CD1B: variants seen among roughly 807,000 people sequenced by gnomAD.
CD1B encodes T-cell surface glycoprotein CD1b.
In CD1B, 43 loss-of-function variants were observed where a neutral mutation model predicts 39.8. The observed-to-expected ratio is 1.08, with a 90% CI of 0.85 to 1.39. The LOEUF is 1.39. Ranked by LOEUF, CD1B falls within the 40% of genes most tolerant of loss-of-function variation. The probability of loss-of-function intolerance (pLI) is 0.00; values close to 1 mark genes in which losing one functional copy is unlikely to be tolerated. For synonymous variants in CD1B, 192 were observed against 152.5 expected (o/e 1.26, Z -1.91); for missense variants, 495 against 403.8 (o/e 1.23, Z -1.94).
chr1:158,326,215 G>A (rs539088344), downstream of CD1B, among the ~76,000 whole-genome samples: 40 of 152,016 alleles, frequency 2.6e-4, no homozygotes, highest in African/African-American at 6.8e-4. Flanking sequence ...CTCGTGATCC[G>A]CCCGCCTCGG....
the CD1B span, chr1:158,291,540 C>G: frequency 1.2e-6 from 1 of 859,352 alleles, no homozygotes; most frequent in East Asian, 2.6e-5. Context: ...AAGGGATATT[C>G]CTGATGTTGA....
chr1:158,292,302 A>G, the CD1B span: 19 of 1,614,230 alleles, frequency 1.2e-5, no homozygotes, highest in Non-Finnish European at 1.6e-5. Context: ...TCTCATAAGA[A>G]GCACTTGCCC....
In CD1B at chr1:158,329,958, T is replaced by C; in HGVS notation, c.501A>G (p.Ile167Met). ...CAGTTTCCATGATACCTTGATATTG[T>C]ATGATTAGTGCACAGAATTTCTGTG... is the stretch of plus-strand genomic sequence containing the variant. ...SRAQKFCALI[I>M]QYQGIMETVR... The change falls in exon 3 of 6, where the codon ATA (isoleucine) becomes ATG (methionine). Residue 167 changes from isoleucine to methionine, a missense_variant. Ile to Met is a conservative substitution (Grantham distance 10, BLOSUM62 1). Transcript: ENST00000368168. The C allele has an allele frequency of 1.2e-6, 2 of 1,614,112 alleles. No homozygotes were observed. Among genetic ancestry groups the C allele is most frequent in the Non-Finnish European group, 1.7e-6 (2 of 1,180,008 alleles).
the CD1B span, among the ~76,000 whole-genome samples, chr1:158,287,041 G>T: frequency 6.6e-6 from 1 of 152,124 alleles, no homozygotes. Context: ...CTCAGGTGGG[G>T]AACTTAGGGT....
At chr1:158,308,319 G>A in the CD1B span, among the ~76,000 whole-genome samples, 5 of 152,190 alleles carry the variant, frequency 3.3e-5, no homozygotes, top group East Asian at 1.9e-4. Flanking sequence ...CCACTGCTCA[G>A]TGAAATAAAA....
chr1:158,316,514 T>A, the CD1B span, among the ~76,000 whole-genome samples: 1 of 151,992 alleles, frequency 6.6e-6, no homozygotes, highest in Non-Finnish European at 1.5e-5. Context: ...TTTTGTATCC[T>A]GAGATTTTGC....
rs560836831 is a variant in CD1B, at chr1:158,330,368, T to G, written c.329-238A>C. 4.0e-5 allele frequency among the ~76,000 whole-genome samples: 6 copies of G among 151,574 alleles called. No individual in the cohort carries two copies. In the East Asian group the frequency reaches 1.2e-3, roughly 30 times the overall value. The stretch of plus-strand genomic sequence containing the variant: ...AGTACAGTGAGTATGAAAGGAGAGG[T>G]GAGGCAGAGCGTGGTGCAGTCAGGA... On this transcript the variant is annotated intron_variant, in intron 2 of 5. Coordinates refer to ENST00000368168, the MANE Select transcript of CD1B (RefSeq NM_001764.3).
chr1:158,304,688 C>CA, the CD1B span, among the ~76,000 whole-genome samples: 1 of 152,210 alleles, frequency 6.6e-6, no homozygotes, highest in Admixed American at 6.5e-5. Context: ...AGGCACCTCC[C>CA]AGTAGGGGCA....
At chr1:158,308,869 G>A in the CD1B span, among the ~76,000 whole-genome samples, 37 of 152,142 alleles carry the variant, frequency 2.4e-4, no homozygotes, top group East Asian at 5.0e-3. Flanking sequence ...ACCTGAAACC[G>A]TAAAAACCCT....
the CD1B span, among the ~76,000 whole-genome samples, chr1:158,303,958 G>A: frequency 6.6e-6 from 1 of 152,014 alleles, no homozygotes; most frequent in Non-Finnish European, 1.5e-5. Context: ...GAGTCTGGGG[G>A]GTGCAACCAA....
the CD1B span, among the ~76,000 whole-genome samples, chr1:158,319,953 TG>T: frequency 6.6e-6 from 1 of 151,932 alleles, no homozygotes; most frequent in South Asian, 2.1e-4. Flanking sequence ...TGCTGGGGGG[TG>T]CCTCCCAGTT....
the CD1B span, among the ~76,000 whole-genome samples, chr1:158,307,769 T>G: frequency 7.3e-5 from 11 of 151,576 alleles, no homozygotes; most frequent in South Asian, 2.1e-3. Flanking sequence ...AAAAGTCCTT[T>G]GACAAAATTC....
chr1:158,293,417 A>C, the CD1B span: 2 of 1,611,666 alleles, frequency 1.2e-6, no homozygotes, highest in Non-Finnish European at 1.7e-6. Context: ...ACCACCTCCA[A>C]CTTATTCAGG....
At chr1:158,312,859 C>T in the CD1B span, among the ~76,000 whole-genome samples, 2 of 152,204 alleles carry the variant, frequency 1.3e-5, no homozygotes, top group African/African-American at 4.8e-5. Flanking sequence ...TGCCTAATTA[C>T]CCTGGCTAGG....
At chr1:158,301,740 C>T in the CD1B span, among the ~76,000 whole-genome samples, 3 of 151,984 alleles carry the variant, frequency 2.0e-5, no homozygotes, top group South Asian at 2.1e-4. Flanking sequence ...TTTCAACCTT[C>T]GTGAGTCTGA....
At position 158,330,834 on chromosome 1, in the gene CD1B, C is replaced by A. The variant is rs752275251; in HGVS notation, c.290G>T (p.Arg97Leu). The change falls in exon 2 of 6, where the codon CGA becomes CTA. Residue 97 changes from arginine (R) to leucine (L), a missense_variant. Coordinates refer to ENST00000368168, the MANE Select transcript of CD1B (RefSeq NM_001764.3). ...IFRVYIFGFAREVQDFAGDFQ... is the reference protein window; with the variant it reads ...IFRVYIFGFALEVQDFAGDFQ... ...ATCACCGGCAAAGTCTTGTACTTCT[C>A]GAGCGAATCCAAAGATGTAGACTCG... The A allele has an allele frequency of 1.2e-6, 2 of 1,614,160 alleles. No individual in the cohort carries two copies. The highest frequency in any genetic ancestry group is 1.7e-5 in the Admixed American group (1 of 60,018).
the CD1B span, among the ~76,000 whole-genome samples, chr1:158,306,353 A>G: frequency 6.6e-6 from 1 of 152,250 alleles, no homozygotes; most frequent in Non-Finnish European, 1.5e-5. Flanking sequence ...ATAATGGTAA[A>G]GGGATCAATT....
chr1:158,291,545 T>C, the CD1B span: 1 of 829,136 alleles, frequency 1.2e-6, no homozygotes, highest in East Asian at 2.6e-5. Context: ...ATATTCCTGA[T>C]GTTGACTCCC....
the CD1B span, among the ~76,000 whole-genome samples, chr1:158,288,536 C>T: frequency 1.3e-5 from 2 of 152,184 alleles, no homozygotes; most frequent in African/African-American, 4.8e-5. Flanking sequence ...GGACTACAGG[C>T]ATGTGCCACC....
Sources: allele counts gnomAD v4.1 joint callset (sites outside exome capture counted in the v4.1 genomes callset), GRCh38; gene constraint gnomAD v4.1.1; transcripts MANE v1.5; gene names NCBI Gene and HGNC (gene_info 2026-07-23, HGNC 2026-07-21).